Variants in SEMA4F observed in about 807,000 individuals in gnomAD.
The protein encoded by SEMA4F is ssemaphorin 4F, also known as semaphorin-4F.
A neutral mutation model predicts 78.4 loss-of-function variants in SEMA4F; 51 were observed. The observed-to-expected ratio is 0.65, with a 90% CI of 0.52 to 0.82. SEMA4F has a LOEUF of 0.82. SEMA4F is among the 40% of genes least tolerant of loss of function. The pLI, the probability that SEMA4F is intolerant of heterozygous loss-of-function variation, is 0.00. For synonymous variants in SEMA4F, 418 were observed against 408.7 expected, an observed-to-expected ratio of 1.02 and a Z score of -0.27; for missense variants, 938 against 1,014.4, an observed-to-expected ratio of 0.92 and a Z score of 1.02.
At chr2:74,673,107 C>T (rs1201715503) in intron 5 of SEMA4F, among the ~76,000 whole-genome samples, 2 of 152,096 alleles carry the variant, frequency 1.3e-5, no homozygotes, top group African/African-American at 4.8e-5. Flanking sequence ...GCAAATGCCC[C>T]TTTTGGAGAG....
the SEMA4F span, among the ~76,000 whole-genome samples, chr2:74,702,873 T>C: frequency 1.3e-5 from 2 of 152,198 alleles, no homozygotes; most frequent in Non-Finnish European, 2.9e-5. Flanking sequence ...GAAATTATCC[T>C]GAAATGCATA....
At chr2:74,700,407 AG>A in the SEMA4F span, among the ~76,000 whole-genome samples, 1 of 152,132 alleles carries the variant, frequency 6.6e-6, no homozygotes, top group Non-Finnish European at 1.5e-5. Flanking sequence ...CCTGACCCTG[AG>A]TAGCACCATG....
chr2:74,655,312 G>T (rs1044486102), intron 1 of SEMA4F: 9 of 403,652 alleles, frequency 2.2e-5, no homozygotes, highest in African/African-American at 1.9e-4. Flanking sequence ...CCTTTGAAAA[G>T]ATGTGGAAGA....
At chr2:74,696,185 C>CT in the SEMA4F span, among the ~76,000 whole-genome samples, 6,475 of 108,928 alleles carry the variant, frequency 0.059, 289 homozygotes, top group African/African-American at 0.1. Flanking sequence ...TCTCCTGCCT[C>CT]TTTTTTTTTT....
downstream of SEMA4F, among the ~76,000 whole-genome samples, chr2:74,687,432 C>T (rs541745298): frequency 3.3e-5 from 5 of 152,328 alleles, no homozygotes; most frequent in South Asian, 6.2e-4. Context: ...TAATTATTTT[C>T]CTTCTTGTTA....
In SEMA4F at chr2:74,654,393, C is replaced by G; in HGVS notation, c.17C>G (p.Ala6Gly). The change falls in exon 1 of 14, where the codon GCG becomes GGG. Residue 6 changes from alanine to glycine, a missense_variant. Coordinates refer to ENST00000357877, the MANE Select transcript of SEMA4F (RefSeq NM_004263.5). MPASA[A>G]RPRPGPGQPT... ...GAGCCAAAGATGCCGGCCTCTGCTGCGCGGCCCCGCCCGGGTCCCGGGCAG... is the reference window on the plus strand; with the variant it reads ...GAGCCAAAGATGCCGGCCTCTGCTGGGCGGCCCCGCCCGGGTCCCGGGCAG... 1 of 1,519,982 alleles carries G rather than the reference C, an allele frequency of 6.6e-7. No homozygotes were observed. Among genetic ancestry groups the G allele is most frequent in the Non-Finnish European group, 8.8e-7 (1 of 1,142,100 alleles). 94.2% of individuals were successfully genotyped at this position (1,519,982 alleles called of 1,614,324 possible).
intron 9 of SEMA4F, 61 bp from the exon 10 acceptor site, chr2:74,675,101 A>G: frequency 6.2e-7 from 1 of 1,613,380 alleles, no homozygotes; most frequent in Middle Eastern, 1.6e-4. Flanking sequence ...GAGCCCCACT[A>G]AGCATCACTG....
chr2:74,677,624 A>C (rs1379236816), intron 12 of SEMA4F, among the ~76,000 whole-genome samples: 1 of 152,228 alleles, frequency 6.6e-6, no homozygotes, highest in Admixed American at 6.5e-5. Flanking sequence ...GAGATCTTCC[A>C]GTAAAGTATT....
At position 74,679,831 on chromosome 2, in the gene SEMA4F, A is replaced by G. The variant is rs763327341; in HGVS notation, c.1935A>G (p.Val645=). The change falls in exon 14 of 14, where the codon GTA becomes GTG. Residue 645 remains valine, a synonymous_variant. Coordinates refer to ENST00000357877, the MANE Select transcript of SEMA4F (RefSeq NM_004263.5). The part of the protein sequence containing the change: ...AAHVVAAYSL[V]WGSQRDAPSR... The stretch of plus-strand genomic sequence containing the variant: ...ATGTGGTAGCAGCTTACAGCTTGGT[A>G]TGGGGCAGCCAGCGAGATGCTCCGA... The G allele has an allele frequency of 1.2e-6, 2 of 1,614,144 alleles. No homozygotes were observed. The highest frequency in any genetic ancestry group is 1.7e-6 in the Non-Finnish European group (2 of 1,179,994).
chr2:74,662,409 A>C (rs1684474060), intron 4 of SEMA4F, among the ~76,000 whole-genome samples: 1 of 152,156 alleles, frequency 6.6e-6, no homozygotes, highest in Non-Finnish European at 1.5e-5. Context: ...AGTGTTTCAG[A>C]GGAAAGACCT....
chr2:74,690,516 T>C, the SEMA4F span, among the ~76,000 whole-genome samples: 24 of 152,154 alleles, frequency 1.6e-4, no homozygotes, highest in South Asian at 6.2e-4. Context: ...CGTTTGATAA[T>C]GATGTTATTA....
At chr2:74,660,453 T>C (rs941353271) in intron 4 of SEMA4F, among the ~76,000 whole-genome samples, 1 of 152,276 alleles carries the variant, frequency 6.6e-6, no homozygotes, top group Non-Finnish European at 1.5e-5. Context: ...TAAACTCCTC[T>C]TGGCCAAGGC....
chr2:74,656,827 G>T lies in SEMA4F; in HGVS notation c.297+142G>T. 4 of 845,702 alleles carry T rather than the reference G, an allele frequency of 4.7e-6. No individual in the cohort carries two copies. In the South Asian group the frequency reaches 5.1e-5, roughly 11 times the overall value. The allele number at this position is 845,702 out of a possible 1,614,324, so 52.4% of individuals were successfully genotyped here. ...GGAGGGGGTGAGTTGGGAGACATGG[G>T]GGGAGATCATCCACTTTGTTTTCTT... On this transcript the variant is annotated intron_variant, in intron 2 of 13. Transcript: ENST00000357877.
rs747631398 is a variant in SEMA4F, at chr2:74,679,369, G to A, written c.1702+35G>A. 4.5e-6 allele frequency: 7 copies of A among 1,561,172 alleles called. No homozygotes were observed. In the South Asian group the frequency reaches 6.7e-5, roughly 15 times the overall value. ...GTCTGTATGGATTAGGGAAATGTGG[G>A]TGGAGTGGATGGAAAGGGGCTAGAG... On this transcript the variant is annotated intron_variant, in intron 13 of 13. Coordinates refer to ENST00000357877, the MANE Select transcript of SEMA4F (RefSeq NM_004263.5).
intron 12 of SEMA4F, among the ~76,000 whole-genome samples, chr2:74,677,820 A>G (rs1227298410): frequency 6.6e-6 from 1 of 152,274 alleles, no homozygotes; most frequent in African/African-American, 2.4e-5. Flanking sequence ...GGAATAAAAC[A>G]GATTAATTCA....
intron 5 of SEMA4F, among the ~76,000 whole-genome samples, chr2:74,666,602 T>C (rs1037273684): frequency 2.0e-5 from 3 of 152,208 alleles, no homozygotes; most frequent in African/African-American, 4.8e-5. Flanking sequence ...GTTATTACTT[T>C]ACAGGGTTAT....
Position 74,679,748 on chromosome 2 carries a change from G to T in SEMA4F, c.1852G>T (p.Val618Leu), listed in dbSNP as rs1400811555. 2 of 1,614,206 alleles carry T rather than the reference G, an allele frequency of 1.2e-6. No individual in the cohort carries two copies. The highest frequency in any genetic ancestry group is 1.3e-5 in the African/African-American group (1 of 75,064). Reference protein sequence around the residue: ...TPRRDGLEVVVTPGAMGAYAC... With the variant: ...TPRRDGLEVVLTPGAMGAYAC... Reference sequence around the variant, plus strand: ...CCGGCGGGATGGACTGGAGGTGGTGGTGACCCCAGGGGCCATGGGCGCTTA... The same window carrying T: ...CCGGCGGGATGGACTGGAGGTGGTGTTGACCCCAGGGGCCATGGGCGCTTA... Residue 618 changes from valine (V) to leucine (L), a missense_variant, in exon 14 of 14, where the codon GTG (valine) becomes TTG (leucine). By Grantham distance (32) the Val-to-Leu change is conservative. Coordinates refer to ENST00000357877, the MANE Select transcript of SEMA4F (RefSeq NM_004263.5).
the SEMA4F span, among the ~76,000 whole-genome samples, chr2:74,692,492 A>G: frequency 6.6e-6 from 1 of 152,176 alleles, no homozygotes; most frequent in Non-Finnish European, 1.5e-5. Flanking sequence ...TGGCATTTGG[A>G]GGCTTCAGAC....
the SEMA4F span, among the ~76,000 whole-genome samples, chr2:74,691,369 GC>G: frequency 6.6e-6 from 1 of 152,222 alleles, no homozygotes; most frequent in African/African-American, 2.4e-5. Flanking sequence ...GACAAGGTGT[GC>G]AGCCTTCAGA....
Sources: allele counts gnomAD v4.1 joint callset (sites outside exome capture counted in the v4.1 genomes callset), GRCh38; gene constraint gnomAD v4.1.1; transcripts MANE v1.5; gene names NCBI Gene and HGNC (gene_info 2026-07-23, HGNC 2026-07-21).